WDR72: variants seen among roughly 807,000 people sequenced by gnomAD.
The protein encoded by WDR72 is WD repeat-containing protein 72.
Under a neutral mutation model 124.2 loss-of-function variants are expected in WDR72, and 120 were observed. The ratio of observed to expected loss-of-function variants is 0.97; its 90% CI spans 0.83 to 1.12. WDR72 has a LOEUF of 1.12. WDR72 is among the 50% of genes most tolerant of loss of function. WDR72 has a pLI of 0.00. For missense variants in WDR72, 1,387 were observed against 1,278.8 expected, an observed-to-expected ratio of 1.08 and a Z score of -1.29; for synonymous variants, 452 against 441.7, an observed-to-expected ratio of 1.02 and a Z score of -0.29.
At chr15:53,705,303 G>A in intron 10 of WDR72, 70 bp from the exon 11 acceptor site, 1 of 1,428,630 alleles carries the variant, frequency 7.0e-7, no homozygotes. Context: ...AAATATCAAG[G>A]CACCCTCCCT....
rs549997856 is a variant in WDR72 at position 53,523,266 on chromosome 15, C to A, written c.3205G>T (p.Val1069Leu). The A allele has an allele frequency of 6.2e-7, 1 of 1,613,120 alleles. No homozygotes were observed. The highest frequency in any genetic ancestry group is 1.1e-5 in the South Asian group (1 of 91,070). Reference protein sequence around the residue: ...SNSNSANFQDVEDMPDRCALE... With the variant: ...SNSNSANFQDLEDMPDRCALE... ...GCACATCTGTCAGGCATGTCCTCCA[C>A]GTCTTGGAAGTTTGCCGAGTTTGAG... The change falls in exon 19 of 20, where the codon GTG (valine) becomes TTG (leucine). Residue 1069 changes from valine to leucine, a missense_variant. Val to Leu is a conservative substitution (Grantham distance 32). Coordinates refer to ENST00000360509, the MANE Select transcript of WDR72 (RefSeq NM_182758.4).
At chr15:53,542,882 C>A in intron 18 of WDR72, among the ~76,000 whole-genome samples, 1 of 137,848 alleles carries the variant, frequency 7.3e-6, no homozygotes, top group African/African-American at 2.7e-5. Flanking sequence ...CAACAAAGAT[C>A]AAAAGAGACA....
At chr15:53,660,356 C>T (rs1406952871) in intron 14 of WDR72, among the ~76,000 whole-genome samples, 1 of 152,006 alleles carries the variant, frequency 6.6e-6, no homozygotes, top group Non-Finnish European at 1.5e-5. Flanking sequence ...TCCAGTCTCA[C>T]AATTTAGAAA....
intron 13 of WDR72, among the ~76,000 whole-genome samples, chr15:53,697,177 C>T (rs191380157): frequency 1.3e-5 from 2 of 152,252 alleles, no homozygotes; most frequent in African/African-American, 4.8e-5. Flanking sequence ...GTATAGATAA[C>T]CAACTATAGG....
rs369568228 is a variant in WDR72, at chr15:53,701,559, T to TCTCTCTCTCTCTCA, written c.1569+574_1569+575insTGAGAGAGAGAGAG. Among the ~76,000 whole-genome samples, 108 of 120,162 alleles carry TCTCTCTCTCTCTCA rather than the reference T, an allele frequency of 9.0e-4. 1 individual carries two copies. Among genetic ancestry groups the TCTCTCTCTCTCTCA allele is most frequent in the East Asian group, 6.7e-3 (23 of 3,450 alleles). The allele number at this position is 120,162 out of a possible 152,430, so 78.8% of individuals were successfully genotyped here. On this transcript the variant is annotated intron_variant, in intron 12 of 19. Coordinates refer to ENST00000360509, the MANE Select transcript of WDR72 (RefSeq NM_182758.4). ...CTGTCTCTCTCTCTCTCTCTCTCTC[T>TCTCTCTCTCTCTCA]CACACACACACACACACACACACAC...
At chr15:53,692,407 A>G (rs115202317) in intron 13 of WDR72, among the ~76,000 whole-genome samples, 272 of 152,326 alleles carry the variant, frequency 1.8e-3, no homozygotes, top group African/African-American at 6.3e-3. Context: ...CTTAGTACAC[A>G]CTAGTACAGT....
At chr15:53,607,053 T>C (rs1293592109) in intron 17 of WDR72, among the ~76,000 whole-genome samples, 3 of 152,186 alleles carry the variant, frequency 2.0e-5, no homozygotes, top group Non-Finnish European at 4.4e-5. Context: ...AAATATGATA[T>C]GTAATGTATC....
chr15:53,519,857 C>T, intron 19 of WDR72, among the ~76,000 whole-genome samples: 1 of 152,010 alleles, frequency 6.6e-6, no homozygotes, highest in East Asian at 1.9e-4. Context: ...ACAAATGGGT[C>T]ATCCTAGTCA....
At chr15:53,573,051 T>A (rs1390124081) in intron 18 of WDR72, among the ~76,000 whole-genome samples, 1 of 152,194 alleles carries the variant, frequency 6.6e-6, no homozygotes, top group Non-Finnish European at 1.5e-5. Flanking sequence ...CAAGACTTCA[T>A]TTCATGGTCA....
At chr15:53,704,965 A>G in intron 11 of WDR72, 23 bp downstream of exon 11, 1 of 1,612,672 alleles carries the variant, frequency 6.2e-7, no homozygotes, top group Non-Finnish European at 8.5e-7. Context: ...TCAAATAAAT[A>G]GGGTCAAATA....
Position 53,615,843 on chromosome 15 carries a change from G to C in WDR72, c.2363C>G (p.Ala788Gly). ...TTTTGCTGTGTCTATTGTGAGACTG[G>C]CATCTACTTTTCTTGATGGCTTAGG... ...MQPKPSRKVD[A>G]SLTIDTAKLF... Residue 788 changes from alanine (A) to glycine (G), a missense_variant, in exon 15 of 20, where the codon GCC (alanine) becomes GGC (glycine). Ala to Gly is a moderately conservative substitution (Grantham distance 60, BLOSUM62 0). Coordinates refer to ENST00000360509, the MANE Select transcript of WDR72 (RefSeq NM_182758.4). 6.2e-7 allele frequency: 1 copy of C among 1,613,532 alleles called. No individual in the cohort carries two copies. The highest frequency in any genetic ancestry group is 8.5e-7 in the Non-Finnish European group (1 of 1,179,630).
At chr15:53,706,350 G>GTA (rs56246540) in intron 9 of WDR72, among the ~76,000 whole-genome samples, 991 of 25,530 alleles carry the variant, frequency 0.039, 15 homozygotes, top group Middle Eastern at 0.083. Flanking sequence ...GTGTGTGTGT[G>GTA]TATATATATA....
intron 13 of WDR72, among the ~76,000 whole-genome samples, chr15:53,694,586 A>G (rs1595856071): frequency 6.6e-6 from 1 of 152,144 alleles, no homozygotes; most frequent in East Asian, 1.9e-4. Flanking sequence ...CCTGCTTGAC[A>G]GTCTCAAAAG....
At chr15:53,557,481 T>C (rs1015079768) in intron 18 of WDR72, among the ~76,000 whole-genome samples, 2 of 152,038 alleles carry the variant, frequency 1.3e-5, no homozygotes, top group Admixed American at 6.6e-5. Flanking sequence ...TATAGAGTGA[T>C]TGCTTGGAAG....
chr15:53,752,910 A>T (rs1333673865), intron 1 of WDR72, among the ~76,000 whole-genome samples: 1 of 152,180 alleles, frequency 6.6e-6, no homozygotes, highest in East Asian at 1.9e-4. Flanking sequence ...TTCAATAATT[A>T]GTATCTAGTA....
chr15:53,572,176 C>G (rs1016362101), intron 18 of WDR72, among the ~76,000 whole-genome samples: 3 of 152,140 alleles, frequency 2.0e-5, no homozygotes, highest in African/African-American at 7.2e-5. Flanking sequence ...TGTCTTCACT[C>G]TGTTGATTGT....
chr15:53,731,295 C>A (rs1356928405), intron 2 of WDR72, among the ~76,000 whole-genome samples: 1 of 152,020 alleles, frequency 6.6e-6, no homozygotes, highest in Non-Finnish European at 1.5e-5. Flanking sequence ...CAGCTCCTCC[C>A]TTTCCTCCAA....
chr15:53,705,991 T>C lies in WDR72; in HGVS notation c.1038A>G (p.Ser346=). 6.2e-7 allele frequency: 1 copy of C among 1,614,068 alleles called. No homozygotes were observed. The highest frequency in any genetic ancestry group is 8.5e-7 in the Non-Finnish European group (1 of 1,179,972). The change falls in exon 10 of 20, where the codon TCA becomes TCG. Residue 346 remains serine, a synonymous_variant. Coordinates refer to ENST00000360509, the MANE Select transcript of WDR72 (RefSeq NM_182758.4). ...GGATGTGCCACAAAGTAATTCTTCC[T>C]GAGACTTCTCCAGAGAAAAGTACCT... ...FYKVLFSGEV[S]GRITLWHIPD...
chr15:53,593,455 G>T (rs184246878), intron 18 of WDR72, among the ~76,000 whole-genome samples: 1 of 151,966 alleles, frequency 6.6e-6, no homozygotes. Context: ...TTTTGAAAAC[G>T]GGGTAGTATA....
Sources: gnomAD v4.1 joint callset for allele counts (sites outside exome capture counted in the v4.1 genomes callset) on GRCh38, gnomAD v4.1.1 for gene constraint, MANE v1.5 for transcripts, NCBI Gene and HGNC (gene_info 2026-07-23, HGNC 2026-07-21) for gene names.